Variants in SLC25A21 observed in about 807,000 individuals in gnomAD.
SLC25A21 encodes the protein solute carrier family 25 member 21.
SLC25A21 carries 47 observed loss-of-function variants against 43.8 expected under a neutral mutation model. That is an observed-to-expected ratio of 1.07 (90% confidence interval 0.85 to 1.37). The LOEUF (loss-of-function observed/expected upper bound fraction) is 1.37, where lower values mean the gene tolerates loss of function less well. Ranked by LOEUF, SLC25A21 falls within the 40% of genes most tolerant of loss-of-function variation. SLC25A21 has a pLI of 0.00. For missense variants in SLC25A21, 352 were observed against 350.2 expected (o/e 1.00, Z -0.04); for synonymous variants, 131 against 121.3 (o/e 1.08, Z -0.52).
At chr14:36,686,200 A>C (rs1302234506) in intron 7 of SLC25A21, among the ~76,000 whole-genome samples, 2 of 152,052 alleles carry the variant, frequency 1.3e-5, no homozygotes, top group African/African-American at 4.8e-5. Flanking sequence ...TAAATATAAA[A>C]AGCAAGGGTT....
At chr14:37,079,959 A>G (rs1339272162) in intron 1 of SLC25A21, among the ~76,000 whole-genome samples, 1 of 151,964 alleles carries the variant, frequency 6.6e-6, no homozygotes, top group Non-Finnish European at 1.5e-5. Context: ...AAGAGGCCCC[A>G]GGGAGTTGTT....
chr14:36,779,312 C>A (rs1886949836), intron 3 of SLC25A21, among the ~76,000 whole-genome samples: 1 of 141,070 alleles, frequency 7.1e-6, no homozygotes, highest in Admixed American at 7.2e-5. Context: ...ATTACATATT[C>A]TTATATATAA....
At chr14:36,695,936 A>C (rs1294242167) in intron 7 of SLC25A21, among the ~76,000 whole-genome samples, 1 of 152,196 alleles carries the variant, frequency 6.6e-6, no homozygotes, top group Non-Finnish European at 1.5e-5. Flanking sequence ...CAGAACTTCC[A>C]ACACTATGTT....
rs150711567 is a variant in SLC25A21 at position 36,966,288 on chromosome 14, C to T, written c.71-91284G>A. 1.1e-4 allele frequency among the ~76,000 whole-genome samples: 17 copies of T among 152,274 alleles called. No homozygotes were observed. The East Asian group carries it at 3.1e-3, about 28-fold the overall frequency. On this transcript the variant is annotated intron_variant, in intron 1 of 9. Coordinates refer to ENST00000331299, the MANE Select transcript of SLC25A21 (RefSeq NM_030631.4). ...GTGTTGTGGGGAGTTGCCATCAACA[C>T]AGTGGTCTGTTACTCCATAGCCATC...
chr14:36,846,353 TC>T (rs1889542092), intron 2 of SLC25A21, among the ~76,000 whole-genome samples: 1 of 152,120 alleles, frequency 6.6e-6, no homozygotes, highest in Non-Finnish European at 1.5e-5. Flanking sequence ...TAGAAACCCA[TC>T]ATCATTTCCA....
intron 1 of SLC25A21, among the ~76,000 whole-genome samples, chr14:36,908,545 A>G (rs1260714560): frequency 6.6e-6 from 1 of 152,236 alleles, no homozygotes; most frequent in African/African-American, 2.4e-5. Context: ...TCCATAATGG[A>G]AATCTTTTAT....
At chr14:36,872,911 GCTCT>G (rs1890415536) in intron 2 of SLC25A21, among the ~76,000 whole-genome samples, 1 of 152,162 alleles carries the variant, frequency 6.6e-6, no homozygotes, top group African/African-American at 2.4e-5. Flanking sequence ...CAGACTGTGA[GCTCT>G]CTGAGGGCAG....
At chr14:36,687,653 G>T (rs1274176858) in intron 7 of SLC25A21, among the ~76,000 whole-genome samples, 1 of 152,068 alleles carries the variant, frequency 6.6e-6, no homozygotes, top group Admixed American at 6.5e-5. Flanking sequence ...TCCCAGGCTG[G>T]GCCTGTGTGT....
chr14:37,001,258 T>A (rs1960482785), intron 1 of SLC25A21, among the ~76,000 whole-genome samples: 1 of 152,232 alleles, frequency 6.6e-6, no homozygotes, highest in African/African-American at 2.4e-5. Context: ...ATATGCTAAA[T>A]GAGTGAATTA....
At chr14:37,136,725 GA>G (rs1017330476) in intron 1 of SLC25A21, among the ~76,000 whole-genome samples, 8 of 39,508 alleles carry the variant, frequency 2.0e-4, no homozygotes, top group African/African-American at 2.8e-4. Context: ...TTCAGCAATT[GA>G]AAAAAAATGA....
At chr14:37,137,051 G>A (rs977751932) in intron 1 of SLC25A21, among the ~76,000 whole-genome samples, 18 of 152,118 alleles carry the variant, frequency 1.2e-4, no homozygotes, top group East Asian at 3.9e-4. Flanking sequence ...CCCAGGCTGG[G>A]GTGCAGTGGC....
At chr14:37,150,431 A>G (rs1050853082) in intron 1 of SLC25A21, among the ~76,000 whole-genome samples, 1 of 152,180 alleles carries the variant, frequency 6.6e-6, no homozygotes, top group African/African-American at 2.4e-5. Context: ...TCTTACTCAT[A>G]TACATAAACC....
chr14:37,067,124 A>T (rs1271983634), intron 1 of SLC25A21, among the ~76,000 whole-genome samples: 1 of 152,166 alleles, frequency 6.6e-6, no homozygotes, highest in Non-Finnish European at 1.5e-5. Context: ...GAAGAAAAAT[A>T]ATGGGGAAGC....
intron 1 of SLC25A21, among the ~76,000 whole-genome samples, chr14:36,957,480 T>G (rs561369611): frequency 6.6e-6 from 1 of 152,264 alleles, no homozygotes; most frequent in African/African-American, 2.4e-5. Context: ...ATAACATAAG[T>G]GGGTTGGGAG....
At chr14:36,880,815 GCT>G (rs1485046776) in intron 1 of SLC25A21, among the ~76,000 whole-genome samples, 1 of 152,154 alleles carries the variant, frequency 6.6e-6, no homozygotes, top group Non-Finnish European at 1.5e-5. Context: ...CACATATCCT[GCT>G]GTGTAAATGT....
intron 1 of SLC25A21, among the ~76,000 whole-genome samples, chr14:36,980,328 T>C (rs985330676): frequency 6.6e-6 from 1 of 152,200 alleles, no homozygotes; most frequent in Admixed American, 6.5e-5. Flanking sequence ...CCAGATAATA[T>C]CCTGAAGAGT....
intron 2 of SLC25A21, among the ~76,000 whole-genome samples, chr14:36,854,646 T>A (rs1459750172): frequency 3.3e-5 from 5 of 152,208 alleles, no homozygotes; most frequent in African/African-American, 7.2e-5. Flanking sequence ...CACTATGATG[T>A]GTTTTTACAA....
chr14:37,164,156 G>A (rs1202592844), intron 1 of SLC25A21, among the ~76,000 whole-genome samples: 1 of 152,050 alleles, frequency 6.6e-6, no homozygotes, highest in Non-Finnish European at 1.5e-5. Flanking sequence ...CTTTCAGGAA[G>A]GTAGAGTAAA....
chr14:37,140,921 T>C lies in SLC25A21; in HGVS notation c.70+31360A>G, dbSNP rs563094825. On this transcript the variant is annotated intron_variant, in intron 1 of 9. Coordinates refer to ENST00000331299, the MANE Select transcript of SLC25A21 (RefSeq NM_030631.4). ...CAGCACTTTGGGAGGCTGAGGCGGG[T>C]AGATCACTTGAGGTCAGGAGTTCGA... is the stretch of plus-strand genomic sequence containing the variant. Among the ~76,000 whole-genome samples the C allele has an allele frequency of 5.6e-3, 842 of 151,702 alleles. 6 individuals are homozygous for C. The highest frequency in any genetic ancestry group is 8.2e-3 in the Non-Finnish European group (557 of 67,894).
Sources: allele counts gnomAD v4.1 joint callset (sites outside exome capture counted in the v4.1 genomes callset), GRCh38; gene constraint gnomAD v4.1.1; transcripts MANE v1.5; gene names NCBI Gene and HGNC (gene_info 2026-07-23, HGNC 2026-07-21).